The following SHROOM3 variants were observed in gnomAD, a reference collection of about 807,000 sequenced individuals.
The protein encoded by SHROOM3 is protein Shroom3.
SHROOM3 carries 47 observed loss-of-function variants against 138.6 expected under a neutral mutation model. The ratio of observed to expected loss-of-function variants is 0.34; its 90% CI spans 0.27 to 0.43. The LOEUF (loss-of-function observed/expected upper bound fraction) is 0.43, where lower values mean the gene tolerates loss of function less well. Ranked by LOEUF, SHROOM3 falls within the 20% of genes least tolerant of loss-of-function variation. The pLI, the probability that SHROOM3 is intolerant of heterozygous loss-of-function variation, is 1.00. For missense variants in SHROOM3, 2,491 were observed against 2,596.5 expected (o/e 0.96, Z 0.88); for synonymous variants, 1,062 against 1,063.3 (o/e 1.00, Z 0.02).
intron 2 of SHROOM3, among the ~76,000 whole-genome samples, chr4:76,624,080 T>C (rs961322272): frequency 6.6e-6 from 1 of 152,226 alleles, no homozygotes; most frequent in Non-Finnish European, 1.5e-5. Context: ...TCCGCTTATG[T>C]TGGAGAGAAA....
At chr4:76,465,731 C>G (rs1731236631) in intron 1 of SHROOM3, among the ~76,000 whole-genome samples, 1 of 152,156 alleles carries the variant, frequency 6.6e-6, no homozygotes, top group Non-Finnish European at 1.5e-5. Flanking sequence ...CCTAAACAGA[C>G]ACAGAAATCA....
rs139303563 is a variant in SHROOM3, at chr4:76,626,194, G to A, written c.323+70431G>A. Among the ~76,000 whole-genome samples, 263 of 152,198 alleles carry A rather than the reference G, an allele frequency of 1.7e-3. 2 individuals carry two copies. Among genetic ancestry groups the A allele is most frequent in the African/African-American group, 5.9e-3 (244 of 41,536 alleles). On this transcript the variant is annotated intron_variant, in intron 2 of 10. Coordinates refer to ENST00000296043, the MANE Select transcript of SHROOM3 (RefSeq NM_020859.4). ...AACCCTAATTCATGTAAAATTCAAC[G>A]CTGGGAAATCAAAAGAAAGGAAAAT...
At chr4:76,526,932 C>T (rs1385725058) in intron 1 of SHROOM3, among the ~76,000 whole-genome samples, 1 of 152,162 alleles carries the variant, frequency 6.6e-6, no homozygotes, top group Non-Finnish European at 1.5e-5. Flanking sequence ...ATTGTTCTCA[C>T]GGAGTCACCC....
chr4:76,516,150 A>G (rs1732439662), intron 1 of SHROOM3, among the ~76,000 whole-genome samples: 1 of 152,044 alleles, frequency 6.6e-6, no homozygotes, highest in South Asian at 2.1e-4. Flanking sequence ...CTGCTCCTTC[A>G]CCCACTATGG....
chr4:76,533,569 A>G (rs1410954823), intron 1 of SHROOM3, among the ~76,000 whole-genome samples: 1 of 152,212 alleles, frequency 6.6e-6, no homozygotes, highest in Non-Finnish European at 1.5e-5. Flanking sequence ...CTCTGGGCTT[A>G]TTAGACATGA....
At chr4:76,602,500 TTTTGC>T (rs1734527227) in intron 2 of SHROOM3, among the ~76,000 whole-genome samples, 1 of 152,204 alleles carries the variant, frequency 6.6e-6, no homozygotes. Flanking sequence ...GTTAGAATTC[TTTTGC>T]TTTATCTTGA....
chr4:76,698,139 G>C (rs1719800505), intron 2 of SHROOM3, among the ~76,000 whole-genome samples: 1 of 152,186 alleles, frequency 6.6e-6, no homozygotes, highest in South Asian at 2.1e-4. Flanking sequence ...CCCCCTTTGG[G>C]TGATAGCAAA....
At chr4:76,450,078 G>A (rs1202015003) in intron 1 of SHROOM3, among the ~76,000 whole-genome samples, 4 of 152,126 alleles carry the variant, frequency 2.6e-5, no homozygotes, top group African/African-American at 7.2e-5. Flanking sequence ...ATTGATTGCC[G>A]AACACATTCA....
chr4:76,570,156 AACACACAC>A (rs57079760), intron 2 of SHROOM3, among the ~76,000 whole-genome samples: 40 of 149,492 alleles, frequency 2.7e-4, no homozygotes, highest in African/African-American at 7.6e-4. Flanking sequence ...GAAATGTTAA[AACACACAC>A]ACACACACAC....
chr4:76,693,447 A>C (rs548097577), intron 2 of SHROOM3, among the ~76,000 whole-genome samples: 2 of 139,350 alleles, frequency 1.4e-5, no homozygotes, highest in East Asian at 4.6e-4. Context: ...GCAGTGGCAC[A>C]ATCTTGGCTC....
At chr4:76,766,904 C>T (rs897636517) in intron 9 of SHROOM3, among the ~76,000 whole-genome samples, 1 of 152,186 alleles carries the variant, frequency 6.6e-6, no homozygotes, top group Non-Finnish European at 1.5e-5. Context: ...CATTAGAGCC[C>T]AGCAAATATT....
At chr4:76,602,437 A>G (rs1244534437) in intron 2 of SHROOM3, among the ~76,000 whole-genome samples, 1 of 152,194 alleles carries the variant, frequency 6.6e-6, no homozygotes, top group Non-Finnish European at 1.5e-5. Context: ...TAAAATACAG[A>G]AATTTATAAT....
chr4:76,673,493 G>C (rs1397045783), intron 2 of SHROOM3, among the ~76,000 whole-genome samples: 2 of 152,018 alleles, frequency 1.3e-5, no homozygotes, highest in African/African-American at 2.4e-5. Flanking sequence ...TCTACATAAA[G>C]AGAAAGGATG....
At chr4:76,519,385 T>C (rs985808671) in intron 1 of SHROOM3, among the ~76,000 whole-genome samples, 6 of 152,204 alleles carry the variant, frequency 3.9e-5, no homozygotes, top group Non-Finnish European at 7.3e-5. Context: ...CTTCAATCAA[T>C]TCTGTAAATT....
chr4:76,775,321 G>GGGGTGTGT lies in SHROOM3; in HGVS notation c.5623-3487_5623-3486insGGTGTGTG, dbSNP rs112978260. Among the ~76,000 whole-genome samples, 312 of 149,208 alleles carry GGGGTGTGT rather than the reference G, an allele frequency of 2.1e-3. 1 individual carries two copies. Among genetic ancestry groups the GGGGTGTGT allele is most frequent in the African/African-American group, 7.4e-3 (299 of 40,596 alleles). ...TTTATGGCTGAGTAGTAGTCCATGG[G>GGGGTGTGT]GTGTGTGTGTGTGTGTGTGTGTAAA... is the stretch of plus-strand genomic sequence containing the variant. On this transcript the variant is annotated intron_variant, in intron 10 of 10. Transcript: ENST00000296043.
rs33953968 is a variant in SHROOM3, at chr4:76,554,419, G to GT, written c.169-1172dup. On this transcript the variant is annotated intron_variant, in intron 1 of 10. Transcript: ENST00000296043. ...CTTTTTTTTGTTGTTTTTTGTTTGT[G>GT]TTTTTTTTTTTTTTTTTTGAGACGG... is the stretch of plus-strand genomic sequence containing the variant. Among the ~76,000 whole-genome samples, 1,078 of 121,712 alleles carry GT rather than the reference G, an allele frequency of 8.9e-3. 8 individuals carry two copies. Among genetic ancestry groups the GT allele is most frequent in the African/African-American group, 0.012 (386 of 31,404 alleles). The allele number at this position is 121,712 out of a possible 152,430, so 79.8% of individuals were successfully genotyped here.
chr4:76,669,819 A>G (rs556062578), intron 2 of SHROOM3, among the ~76,000 whole-genome samples: 26 of 152,358 alleles, frequency 1.7e-4, no homozygotes, highest in Non-Finnish European at 2.9e-4. Context: ...CATCTTAAAC[A>G]TGGGACATGC....
intron 2 of SHROOM3, chr4:76,573,457 A>T (rs1733874160): frequency 6.5e-6 from 1 of 152,836 alleles, no homozygotes; most frequent in Admixed American, 6.6e-5. Context: ...TTAAAAGCTC[A>T]CCTGGTCCAA....
chr4:76,682,624 G>T (rs1719229450), intron 2 of SHROOM3, among the ~76,000 whole-genome samples: 1 of 150,388 alleles, frequency 6.6e-6, no homozygotes, highest in East Asian at 1.9e-4. Flanking sequence ...CAAGGAGAGA[G>T]AAAGGAAAGG....
Sources: allele counts gnomAD v4.1 joint callset (sites outside exome capture counted in the v4.1 genomes callset), GRCh38; gene constraint gnomAD v4.1.1; transcripts MANE v1.5; gene names NCBI Gene and HGNC (gene_info 2026-07-23, HGNC 2026-07-21).